Variants in PDE4B observed in about 807,000 individuals in gnomAD.
PDE4B encodes the protein phosphodiesterase 4B, also known as 3',5'-cyclic-AMP phosphodiesterase 4B.
In PDE4B, 20 loss-of-function variants were observed where a neutral mutation model predicts 82.2. That is an observed-to-expected ratio of 0.24 (90% CI 0.17 to 0.35). The LOEUF (loss-of-function observed/expected upper bound fraction) is 0.35. PDE4B is among the 10% of genes least tolerant of loss of function. The probability of loss-of-function intolerance (pLI) is 1.00; values close to 1 mark genes in which losing one functional copy is unlikely to be tolerated. For missense variants in PDE4B, 655 were observed against 907.2 expected, an observed-to-expected ratio of 0.72 and a Z score of 3.57; for synonymous variants, 320 against 318.9, an observed-to-expected ratio of 1.00 and a Z score of -0.04.
chr1:66,354,521 G>A (rs1662079577), intron 8 of PDE4B: 3 of 1,105,240 alleles, frequency 2.7e-6, no homozygotes, highest in Non-Finnish European at 3.3e-6. Context: ...GGCCACCAGG[G>A]CTATTCATAA....
At chr1:66,094,673 G>A (rs1371554821) in intron 3 of PDE4B, 1 of 151,912 alleles carries the variant, frequency 6.6e-6, no homozygotes. Flanking sequence ...TCTGTTGTTT[G>A]CACAGTATTT....
At chr1:65,973,896 T>C (rs1388098189) in intron 3 of PDE4B, among the ~76,000 whole-genome samples, 1 of 152,226 alleles carries the variant, frequency 6.6e-6, no homozygotes, top group Non-Finnish European at 1.5e-5. Context: ...CACTGTAACG[T>C]CCACCTCCTG....
intron 3 of PDE4B, among the ~76,000 whole-genome samples, chr1:66,162,389 G>C (rs1307463988): frequency 1.4e-5 from 2 of 141,902 alleles, no homozygotes; most frequent in African/African-American, 5.1e-5. Context: ...CCAGCGAAGG[G>C]AAAGAGTCAA....
chr1:66,178,908 A>G (rs1448135701), intron 3 of PDE4B, among the ~76,000 whole-genome samples: 2 of 152,004 alleles, frequency 1.3e-5, no homozygotes, highest in African/African-American at 4.8e-5. Flanking sequence ...CTGGAGTGCA[A>G]TGGCGCGATC....
At chr1:66,258,655 A>G (rs1371097977) in intron 6 of PDE4B, among the ~76,000 whole-genome samples, 1 of 152,158 alleles carries the variant, frequency 6.6e-6, no homozygotes, top group African/African-American at 2.4e-5. Flanking sequence ...TGACTTGCTA[A>G]CAACCCCCTC....
chr1:65,959,322 G>T (rs1390857153), intron 3 of PDE4B, among the ~76,000 whole-genome samples: 1 of 152,180 alleles, frequency 6.6e-6, no homozygotes, highest in African/African-American at 2.4e-5. Context: ...TAGTGTGTAT[G>T]TATGGTAATT....
At chr1:66,135,699 A>G (rs561379730) in intron 3 of PDE4B, among the ~76,000 whole-genome samples, 1 of 152,206 alleles carries the variant, frequency 6.6e-6, no homozygotes, top group African/African-American at 2.4e-5. Flanking sequence ...CTCAGAGAAG[A>G]GATCTGGGCC....
At chr1:65,832,003 C>T (rs140108708) in intron 1 of PDE4B, among the ~76,000 whole-genome samples, 416 of 152,264 alleles carry the variant, frequency 2.7e-3, no homozygotes, top group African/African-American at 9.4e-3. Context: ...AGAGATCAGT[C>T]ATAACCATTG....
intron 3 of PDE4B, among the ~76,000 whole-genome samples, chr1:66,226,754 G>T (rs974843762): frequency 1.3e-5 from 2 of 152,250 alleles, no homozygotes; most frequent in African/African-American, 2.4e-5. Flanking sequence ...TTTTAAATGT[G>T]ATGGACAGCT....
intron 3 of PDE4B, among the ~76,000 whole-genome samples, chr1:65,966,026 T>C (rs1005488050): frequency 9.9e-5 from 15 of 152,098 alleles, no homozygotes; most frequent in African/African-American, 3.6e-4. Context: ...TTATTCAACA[T>C]AGTATTGGAA....
At chr1:66,026,821 G>A (rs1326032580) in intron 3 of PDE4B, among the ~76,000 whole-genome samples, 4 of 152,202 alleles carry the variant, frequency 2.6e-5, no homozygotes, top group Admixed American at 6.5e-5. Context: ...ACACAAATGC[G>A]TGTTCTTCAC....
intron 3 of PDE4B, among the ~76,000 whole-genome samples, chr1:65,969,434 G>C (rs746835731): frequency 6.6e-6 from 1 of 152,158 alleles, no homozygotes; most frequent in African/African-American, 2.4e-5. Flanking sequence ...TGGGACACTT[G>C]ATGAATAATG....
chr1:66,280,007 A>G (rs1184261620), intron 7 of PDE4B, among the ~76,000 whole-genome samples: 1 of 152,180 alleles, frequency 6.6e-6, no homozygotes, highest in Non-Finnish European at 1.5e-5. Flanking sequence ...AGCACATACA[A>G]CTAATTATCA....
intron 3 of PDE4B, among the ~76,000 whole-genome samples, chr1:66,115,962 G>A (rs1469926237): frequency 2.0e-5 from 3 of 152,046 alleles, no homozygotes; most frequent in Admixed American, 6.6e-5. Context: ...TACAGTTTTA[G>A]CATTGGCAAC....
chr1:65,951,744 C>CTTTTACCTG (rs562436661), intron 3 of PDE4B, among the ~76,000 whole-genome samples: 1 of 152,138 alleles, frequency 6.6e-6, no homozygotes. Context: ...GCTCTTTCAC[C>CTTTTACCTG]TTTTACCTGT....
chr1:65,793,884 C>T (rs1645602501), intron 1 of PDE4B, among the ~76,000 whole-genome samples: 1 of 152,220 alleles, frequency 6.6e-6, no homozygotes, highest in Non-Finnish European at 1.5e-5. Context: ...CTACTCTCTT[C>T]TTCCATCTTC....
At chr1:65,844,281 T>C (rs1646243359) in intron 1 of PDE4B, among the ~76,000 whole-genome samples, 1 of 152,190 alleles carries the variant, frequency 6.6e-6, no homozygotes, top group Admixed American at 6.6e-5. Context: ...AGAAAGAAAG[T>C]ATTTTCTATG....
At chr1:66,202,105 C>T (rs1570458063) in intron 3 of PDE4B, among the ~76,000 whole-genome samples, 1 of 152,104 alleles carries the variant, frequency 6.6e-6, no homozygotes, top group African/African-American at 2.4e-5. Context: ...TTGTTATGTA[C>T]CCAGTAGTCA....
intron 3 of PDE4B, among the ~76,000 whole-genome samples, chr1:65,986,680 G>A (rs939965868): frequency 4.6e-5 from 7 of 152,218 alleles, no homozygotes; most frequent in Admixed American, 1.3e-4. Context: ...CAGTATTTGG[G>A]GAGCTGAGAT....
Sources: gnomAD v4.1 joint callset for allele counts (sites outside exome capture counted in the v4.1 genomes callset) on GRCh38, gnomAD v4.1.1 for gene constraint, MANE v1.5 for transcripts, NCBI Gene and HGNC (gene_info 2026-07-23, HGNC 2026-07-21) for gene names.